Variants in RBM12B observed in about 807,000 individuals in gnomAD.
RBM12B encodes the protein RNA binding motif protein 12B, also known as RNA-binding protein 12B.
RBM12B carries 10 observed loss-of-function variants against 34.3 expected under a neutral mutation model. The ratio of observed to expected loss-of-function variants is 0.29; its 90% CI spans 0.18 to 0.49. The LOEUF is 0.49. RBM12B is among the 20% of genes least tolerant of loss of function. RBM12B has a pLI of 0.99. For synonymous variants in RBM12B, 477 were observed against 437.1 expected (o/e 1.09, Z -1.14); for missense variants, 1,139 against 1,262.7 (o/e 0.90, Z 1.48).
chr8:93,738,053 AG>A (rs1414858380), intron 2 of RBM12B, among the ~76,000 whole-genome samples: 1 of 152,218 alleles, frequency 6.6e-6, no homozygotes, highest in African/African-American at 2.4e-5. Context: ...TACAATTTAA[AG>A]GTCTATATAA....
rs772666570 is a variant in RBM12B at position 93,734,791 on chromosome 8, G to T, written c.1620C>A (p.Phe540Leu). The T allele has an allele frequency of 6.2e-7, 1 of 1,614,192 alleles. No homozygotes were observed. Among genetic ancestry groups the T allele is most frequent in the East Asian group, 2.2e-5 (1 of 44,890 alleles). Residue 540 changes from phenylalanine to leucine, a missense_variant, in exon 4 of 4, where the codon TTC (phenylalanine) becomes TTA (leucine). Transcript: ENST00000520560. ...GCCGGAAATCCCTCTGGGGATGCTT[G>T]AAGTTATCCAGTTGCCTCAAGTCCT... ...QLEDLRQLDN[F>L]KHPQRDFRQP...
chr8:93,736,067 T>C lies in RBM12B; in HGVS notation c.344A>G (p.Glu115Gly). 6.2e-7 allele frequency: 1 copy of C among 1,614,222 alleles called. No homozygotes were observed. Residue 115 changes from glutamate (E) to glycine (G), a missense_variant, in exon 4 of 4, where the codon GAA becomes GGA. Coordinates refer to ENST00000520560, the MANE Select transcript of RBM12B (RefSeq NM_001377960.1). ...GCCATATCCAGAATTACTTGCTTCT[T>C]CCTTAACAGACTCAATAAAATTAGA... is the stretch of plus-strand genomic sequence containing the variant. ...SLSNFIESVKEEASNSGYGSS... is the reference protein window; with the variant it reads ...SLSNFIESVKGEASNSGYGSS...
In RBM12B at chr8:93,734,784, G is replaced by A. The variant is rs776525440; in HGVS notation, c.1627C>T (p.Pro543Ser). 3.1e-6 allele frequency: 5 copies of A among 1,614,174 alleles called. No homozygotes were observed. The highest frequency in any genetic ancestry group is 4.2e-6 in the Non-Finnish European group (5 of 1,180,028). ...DLRQLDNFKHPQRDFRQPDRH... is the reference protein window; with the variant it reads ...DLRQLDNFKHSQRDFRQPDRH... ...TCAGGCTGCCGGAAATCCCTCTGGG[G>A]ATGCTTGAAGTTATCCAGTTGCCTC... The change falls in exon 4 of 4, where the codon CCC (proline) becomes TCC (serine). Residue 543 changes from proline (P) to serine (S), a missense_variant. Pro to Ser is a moderately conservative substitution (Grantham distance 74). Transcript: ENST00000520560.
At chr8:93,739,293 A>C (rs1363639903) in intron 2 of RBM12B, 1 of 152,214 alleles carries the variant, frequency 6.6e-6, no homozygotes, top group Non-Finnish European at 1.5e-5. Flanking sequence ...GAATAATTAT[A>C]TCTCAAATTC....
At position 93,728,373 on chromosome 8, in the gene RBM12B, G is replaced by A. The variant is rs748946602; in HGVS notation, c.*5032C>T. 14 of 940,412 alleles carry A rather than the reference G, an allele frequency of 1.5e-5. No homozygotes were observed. Among genetic ancestry groups the A allele is most frequent in the Non-Finnish European group, 2.2e-5 (14 of 634,408 alleles). The allele number at this position is 940,412 out of a possible 1,614,324, so 58.3% of individuals were successfully genotyped here. On this transcript the variant is annotated 3_prime_UTR_variant, in exon 4 of 4. Coordinates refer to ENST00000520560, the MANE Select transcript of RBM12B (RefSeq NM_001377960.1). ...AATTGTAGAACTTTATACTCACTTTGCTATGTTAAGCCTCAAAGTGAAGTC... is the reference window on the plus strand; with the variant it reads ...AATTGTAGAACTTTATACTCACTTTACTATGTTAAGCCTCAAAGTGAAGTC...
chr8:93,737,275 A>G (rs1023084965), intron 3 of RBM12B, 32 bp downstream of exon 3: 9 of 152,174 alleles, frequency 5.9e-5, no homozygotes, highest in Admixed American at 5.9e-4. Flanking sequence ...TTTTTTGTTG[A>G]GCCTCAAAGC....
At chr8:93,740,207 G>GA in intron 2 of RBM12B, 1 of 425,384 alleles carries the variant, frequency 2.4e-6, no homozygotes, top group Non-Finnish European at 4.7e-6. Flanking sequence ...AATGACCAAT[G>GA]AGAGCCACAG....
At position 93,735,218 on chromosome 8, in the gene RBM12B, T is replaced by C. The variant is rs764220593; in HGVS notation, c.1193A>G (p.Gln398Arg). 1.2e-6 allele frequency: 2 copies of C among 1,614,016 alleles called. No individual in the cohort carries two copies. The highest frequency in any genetic ancestry group is 2.7e-5 in the African/African-American group (2 of 74,950). Residue 398 changes from glutamine (Q) to arginine (R), a missense_variant, in exon 4 of 4, where the codon CAG becomes CGG. Physicochemically the swap from Gln to Arg is conservative, Grantham distance 43 (BLOSUM62 1). Coordinates refer to ENST00000520560, the MANE Select transcript of RBM12B (RefSeq NM_001377960.1). The part of the protein sequence containing the change: ...QKYSQEGNSG[Q>R]KLCIYIRNFP... ...ATTTCTTATATAGATGCACAGTTTC[T>C]GGCCAGAGTTACCTTCTTGAGAGTA...
In RBM12B at chr8:93,732,437, A is replaced by G. The variant is rs547329034; in HGVS notation, c.*968T>C. The stretch of plus-strand genomic sequence containing the variant: ...TGCATGGACACAGTTTCGAAGCTAA[A>G]AAATGAGAACCTAATATTACATGCA... On this transcript the variant is annotated 3_prime_UTR_variant, in exon 4 of 4. Transcript: ENST00000520560. 43 of 152,362 alleles carry G rather than the reference A, an allele frequency of 2.8e-4. 1 individual carries two copies. The highest frequency in any genetic ancestry group is 1.1e-3 in the Admixed American group (17 of 15,306). 9.4% of individuals were successfully genotyped at this position (152,362 alleles called of 1,614,324 possible).
At position 93,731,253 on chromosome 8, in the gene RBM12B, C is replaced by T. The variant is rs985760740; in HGVS notation, c.*2152G>A. On this transcript the variant is annotated 3_prime_UTR_variant, in exon 4 of 4. Transcript: ENST00000520560. ...CTCAGCCCAGTTTGAAATGCAATTC[C>T]ACAGTAAGTAATCCCTCACGTTAAG... 1.3e-5 allele frequency: 2 copies of T among 152,222 alleles called. No homozygotes were observed. Among genetic ancestry groups the T allele is most frequent in the African/African-American group, 4.8e-5 (2 of 41,446 alleles). 9.4% of individuals were successfully genotyped at this position (152,222 alleles called of 1,614,324 possible). A position where few individuals can be genotyped will look rare whatever the true frequency, so the allele number is the denominator to read the frequency against.
chr8:93,734,232 G>A lies in RBM12B; in HGVS notation c.2179C>T (p.Pro727Ser), dbSNP rs1391450861. 28 of 1,605,742 alleles carry A rather than the reference G, an allele frequency of 1.7e-5. No homozygotes were observed. The highest frequency in any genetic ancestry group is 2.3e-5 in the Non-Finnish European group (27 of 1,175,260). The part of the protein sequence containing the change: ...QSPQEHFRRP[P>S]QEHFRRPPPE... The stretch of plus-strand genomic sequence containing the variant: ...GGTGGCCGACGGAAATGCTCCTGAG[G>A]TGGCCTCCGGAAATGCTCCTGGGGT... Residue 727 changes from proline to serine, a missense_variant, in exon 4 of 4, where the codon CCT (proline) becomes TCT (serine). Pro to Ser is a moderately conservative substitution (Grantham distance 74, BLOSUM62 -1). Coordinates refer to ENST00000520560, the MANE Select transcript of RBM12B (RefSeq NM_001377960.1).
At chr8:93,740,459 C>T (rs1490027498) in intron 2 of RBM12B, 170 bp downstream of exon 2, 1 of 457,266 alleles carries the variant, frequency 2.2e-6, no homozygotes, top group Admixed American at 2.3e-5. Context: ...AACCTCCGTG[C>T]CTTTCCGTTA....
rs1812179322 is a variant in RBM12B, at chr8:93,740,688, A to G, written c.-137T>C. The G allele has an allele frequency of 5.5e-6, 2 of 362,374 alleles. No individual in the cohort carries two copies. Among genetic ancestry groups the G allele is most frequent in the Admixed American group, 3.7e-5 (1 of 27,076 alleles). The allele number at this position is 362,374 out of a possible 1,614,324, so 22.4% of individuals were successfully genotyped here. ...CCCTGGGAAGCGCACATACACCACC[A>G]CATGGAAGCTGACGGGAAAGGAAGA... On this transcript the variant is annotated 5_prime_UTR_variant, in exon 2 of 4. Transcript: ENST00000520560.
At chr8:93,740,473 C>T in intron 2 of RBM12B, 156 bp downstream of exon 2, 1 of 457,240 alleles carries the variant, frequency 2.2e-6, no homozygotes, top group East Asian at 6.9e-5. Flanking sequence ...TCCGTTACGC[C>T]GTCTCAAGGG....
intron 2 of RBM12B, among the ~76,000 whole-genome samples, chr8:93,738,241 T>G (rs551061706): frequency 6.6e-6 from 1 of 152,314 alleles, no homozygotes; most frequent in African/African-American, 2.4e-5. Context: ...ATAATGCCAA[T>G]AGCAGATTTC....
Position 93,735,843 on chromosome 8 carries a change from CATG to C in RBM12B, c.565_567del (p.His189del), listed in dbSNP as rs1359194545. 1 of 1,614,014 alleles carries C rather than the reference CATG, an allele frequency of 6.2e-7. No homozygotes were observed. Among genetic ancestry groups the C allele is most frequent in the East Asian group, 2.2e-5 (1 of 44,876 alleles). On this transcript the variant is annotated inframe_deletion, in exon 4 of 4. Coordinates refer to ENST00000520560, the MANE Select transcript of RBM12B (RefSeq NM_001377960.1). ...ATGGCATCACCATTATTTCGGCCATCATGATGTTTTAAGAAAATTACTCCATCC... is the reference window on the plus strand; with the variant it reads ...ATGGCATCACCATTATTTCGGCCATCATGTTTTAAGAAAATTACTCCATCC...
rs999313604 is a variant in RBM12B at position 93,728,408 on chromosome 8, AC to A, written c.*4996del. On this transcript the variant is annotated 3_prime_UTR_variant, in exon 4 of 4. Transcript: ENST00000520560. Reference sequence around the variant, plus strand: ...GCCTCAAAGTGAAGTCCAACTGGAAACAGAAAAATAATTAAAGGAAACTTAT... The same window carrying A: ...GCCTCAAAGTGAAGTCCAACTGGAAAAGAAAAATAATTAAAGGAAACTTAT... The A allele has an allele frequency of 7.4e-5, 48 of 645,698 alleles. No individual in the cohort carries two copies. In the African/African-American group the frequency reaches 8.9e-4, roughly 12 times the overall value. 40.0% of individuals were successfully genotyped at this position (645,698 alleles called of 1,614,324 possible).
chr8:93,736,560 A>G, intron 3 of RBM12B, 122 bp from the exon 4 acceptor site: 1 of 731,160 alleles, frequency 1.4e-6, no homozygotes, highest in African/African-American at 1.8e-5. Context: ...ACAAGATACA[A>G]GTTCACAAAA....
In RBM12B at chr8:93,737,314, A is replaced by T. The variant is rs1812052129; in HGVS notation, c.-36T>A. On this transcript the variant is annotated 5_prime_UTR_variant, in exon 3 of 4. Coordinates refer to ENST00000520560, the MANE Select transcript of RBM12B (RefSeq NM_001377960.1). ...AAACTCTGGATATCTTACCTTTTTT[A>T]AAATTTCTTGGAGACCTGTTAACTC... 6.6e-6 allele frequency: 1 copy of T among 152,164 alleles called. No homozygotes were observed. Among genetic ancestry groups the T allele is most frequent in the African/African-American group, 2.4e-5 (1 of 41,452 alleles). 9.4% of individuals were successfully genotyped at this position (152,164 alleles called of 1,614,324 possible).
Sources: gnomAD v4.1 joint callset for allele counts (sites outside exome capture counted in the v4.1 genomes callset) on GRCh38, gnomAD v4.1.1 for gene constraint, MANE v1.5 for transcripts, NCBI Gene and HGNC (gene_info 2026-07-23, HGNC 2026-07-21) for gene names.